Variants in DIP2C observed in about 807,000 individuals in gnomAD.
The protein encoded by DIP2C is disco-interacting protein 2 homolog C.
A neutral mutation model predicts 192.4 loss-of-function variants in DIP2C; 33 were observed. That is an observed-to-expected ratio of 0.17 (90% confidence interval 0.13 to 0.23). The LOEUF (loss-of-function observed/expected upper bound fraction) is 0.23. DIP2C is among the 10% of genes least tolerant of loss of function. The probability of loss-of-function intolerance (pLI) is 1.00; values close to 1 mark genes in which losing one functional copy is unlikely to be tolerated. For missense variants in DIP2C, 1,537 were observed against 2,110.1 expected (o/e 0.73, Z 5.32); for synonymous variants, 979 against 864.1 (o/e 1.13, Z -2.33).
intron 1 of DIP2C, among the ~76,000 whole-genome samples, chr10:632,264 T>C (rs1220139473): frequency 1.3e-5 from 2 of 152,246 alleles, no homozygotes; most frequent in African/African-American, 4.8e-5. Context: ...GGCGATGAAA[T>C]GATCCTCCTT....
intron 1 of DIP2C, among the ~76,000 whole-genome samples, chr10:536,189 C>T (rs555648653): frequency 6.6e-6 from 1 of 152,360 alleles, no homozygotes; most frequent in Non-Finnish European, 1.5e-5. Flanking sequence ...AGGCGTCCCT[C>T]AGCTTGAAAC....
rs1962785141 is a variant in DIP2C at position 385,178 on chromosome 10, GCAC to G, written c.1663-542_1663-540del. Among the ~76,000 whole-genome samples, 4 of 151,734 alleles carry G rather than the reference GCAC, an allele frequency of 2.6e-5. No homozygotes were observed. The South Asian group carries it at 8.3e-4, about 32-fold the overall frequency. ...CCCGAGGATCAGCAGCTCTCAGGGAGCACCACGGACACCGGGCTGCACAGGCCT... is the reference window on the plus strand; with the variant it reads ...CCCGAGGATCAGCAGCTCTCAGGGAGCACGGACACCGGGCTGCACAGGCCT... On this transcript the variant is annotated intron_variant, in intron 14 of 36. Coordinates refer to ENST00000280886, the MANE Select transcript of DIP2C (RefSeq NM_014974.3).
At chr10:545,471 A>G (rs1031827638) in intron 1 of DIP2C, among the ~76,000 whole-genome samples, 1 of 152,098 alleles carries the variant, frequency 6.6e-6, no homozygotes, top group Admixed American at 6.5e-5. Flanking sequence ...TGGTGTTCTT[A>G]TAATAGAGAA....
rs1954463594 is a variant in DIP2C, at chr10:275,426, G to A, written c.*1899C>T. 6.6e-6 allele frequency: 1 copy of A among 151,320 alleles called. No individual in the cohort carries two copies. Among genetic ancestry groups the A allele is most frequent in the African/African-American group, 2.4e-5 (1 of 41,170 alleles). The allele number at this position is 151,320 out of a possible 1,614,324, so 9.4% of individuals were successfully genotyped here. Reference sequence around the variant, plus strand: ...AAGAATCAAATGGTTTGTGGAGATGGAAGGATGCACCACATATGCAGACAC... The same window carrying A: ...AAGAATCAAATGGTTTGTGGAGATGAAAGGATGCACCACATATGCAGACAC... On this transcript the variant is annotated 3_prime_UTR_variant, in exon 37 of 37. Transcript: ENST00000280886.
At chr10:675,782 A>T (rs1175049501) in intron 1 of DIP2C, among the ~76,000 whole-genome samples, 1 of 152,190 alleles carries the variant, frequency 6.6e-6, no homozygotes, top group Non-Finnish European at 1.5e-5. Context: ...GTAATAATAA[A>T]AAGTCTCCCA....
intron 32 of DIP2C, among the ~76,000 whole-genome samples, chr10:288,683 A>T (rs920175050): frequency 4.6e-5 from 7 of 152,244 alleles, no homozygotes; most frequent in African/African-American, 1.4e-4. Flanking sequence ...GCTGAAAGTA[A>T]CCATGAGTCC....
chr10:367,225 G>A (rs1480376360), intron 18 of DIP2C, among the ~76,000 whole-genome samples: 3 of 152,166 alleles, frequency 2.0e-5, no homozygotes, highest in Non-Finnish European at 4.4e-5. Context: ...AGACCATCCT[G>A]GCTAACATGG....
chr10:393,801 A>AAAAAAG (rs1417903098), intron 10 of DIP2C, among the ~76,000 whole-genome samples: 19 of 148,252 alleles, frequency 1.3e-4, no homozygotes, highest in African/African-American at 2.5e-4. Flanking sequence ...AAAAAAGAAA[A>AAAAAAG]AAAAAGAAAA....
At position 656,257 on chromosome 10, in the gene DIP2C, C is replaced by T. The variant is rs199793171; in HGVS notation, c.85+33237G>A. Among the ~76,000 whole-genome samples, 104 of 151,668 alleles carry T rather than the reference C, an allele frequency of 6.9e-4. 1 individual carries two copies. The East Asian group carries it at 0.014, about 21-fold the overall frequency. On this transcript the variant is annotated intron_variant, in intron 1 of 36. Transcript: ENST00000280886. Reference sequence around the variant, plus strand: ...GTTCCTTCTATGCTACCCTATATAACGCTATACCATTTCTCCTATTGTATA... The same window carrying T: ...GTTCCTTCTATGCTACCCTATATAATGCTATACCATTTCTCCTATTGTATA...
At position 280,232 on chromosome 10, in the gene DIP2C, A is replaced by C. The variant is rs74645024; in HGVS notation, c.4418+968T>G. On this transcript the variant is annotated intron_variant, in intron 36 of 36. Coordinates refer to ENST00000280886, the MANE Select transcript of DIP2C (RefSeq NM_014974.3). Reference sequence around the variant, plus strand: ...TGTTCAAATTCAGCAAATGGCAGTAAGTACCAGCCTTTATTGCATCTCAGC... The same window carrying C: ...TGTTCAAATTCAGCAAATGGCAGTACGTACCAGCCTTTATTGCATCTCAGC... Among the ~76,000 whole-genome samples, 190 of 152,340 alleles carry C rather than the reference A, an allele frequency of 1.2e-3. 2 individuals carry two copies. Among genetic ancestry groups the C allele is most frequent in the South Asian group, 5.2e-3 (25 of 4,828 alleles).
chr10:633,153 T>C (rs74982702), intron 1 of DIP2C, among the ~76,000 whole-genome samples: 5,105 of 152,350 alleles, frequency 0.034, 274 homozygotes, highest in African/African-American at 0.11. Context: ...TAGAAAAATG[T>C]TAATAAGATA....
At chr10:378,186 C>G (rs1228956199) in intron 17 of DIP2C, among the ~76,000 whole-genome samples, 1 of 152,150 alleles carries the variant, frequency 6.6e-6, no homozygotes, top group Non-Finnish European at 1.5e-5. Context: ...AAAGAAAACA[C>G]AAAATATAAC....
intron 26 of DIP2C, among the ~76,000 whole-genome samples, chr10:346,813 T>C (rs1237657008): frequency 2.8e-5 from 1 of 35,364 alleles, no homozygotes; most frequent in African/African-American, 1.4e-4. Flanking sequence ...CCCGGAAACG[T>C]CACACGCACC....
At chr10:431,515 G>A (rs1966855491) in intron 4 of DIP2C, among the ~76,000 whole-genome samples, 2 of 152,142 alleles carry the variant, frequency 1.3e-5, no homozygotes, top group South Asian at 4.1e-4. Context: ...TCGAACTCCT[G>A]ACCTCAAGTG....
At chr10:298,604 G>A (rs1955873313) in intron 32 of DIP2C, among the ~76,000 whole-genome samples, 1 of 152,202 alleles carries the variant, frequency 6.6e-6, no homozygotes, top group South Asian at 2.1e-4. Flanking sequence ...CCATGCCTCA[G>A]GCCCATTAGC....
intron 1 of DIP2C, among the ~76,000 whole-genome samples, chr10:619,385 G>A (rs1383522315): frequency 6.6e-6 from 1 of 152,188 alleles, no homozygotes; most frequent in Non-Finnish European, 1.5e-5. Flanking sequence ...CCGTCTCCTT[G>A]CCTCCCTCAG....
intron 1 of DIP2C, among the ~76,000 whole-genome samples, chr10:554,232 C>T (rs1306637828): frequency 6.6e-6 from 1 of 152,158 alleles, no homozygotes; most frequent in Non-Finnish European, 1.5e-5. Context: ...GGCGAACAGG[C>T]AGGAAATATA....
At chr10:606,399 G>A (rs1378261335) in intron 1 of DIP2C, among the ~76,000 whole-genome samples, 1 of 151,398 alleles carries the variant, frequency 6.6e-6, no homozygotes, top group Non-Finnish European at 1.5e-5. Context: ...CGGCCCCGCT[G>A]CCGTAATTAC....
At chr10:330,448 CAATA>C (rs1957453427) in intron 29 of DIP2C, among the ~76,000 whole-genome samples, 1 of 152,124 alleles carries the variant, frequency 6.6e-6, no homozygotes, top group Non-Finnish European at 1.5e-5. Flanking sequence ...TATGAATTCA[CAATA>C]GATACCATAC....
Sources: gnomAD v4.1 joint callset for allele counts (sites outside exome capture counted in the v4.1 genomes callset) on GRCh38, gnomAD v4.1.1 for gene constraint, MANE v1.5 for transcripts, NCBI Gene and HGNC (gene_info 2026-07-23, HGNC 2026-07-21) for gene names.